The following CALCOCO1 variants were observed in gnomAD, a reference collection of about 807,000 sequenced individuals.
The protein encoded by CALCOCO1 is calcium-binding and coiled-coil domain-containing protein 1.
In CALCOCO1, 44 loss-of-function variants were observed where a neutral mutation model predicts 86.3. That is an observed-to-expected ratio of 0.51 (90% CI 0.40 to 0.66). The LOEUF (loss-of-function observed/expected upper bound fraction) is 0.66, where lower values mean the gene tolerates loss of function less well. Among genes scored for constraint, CALCOCO1 ranks in the 30% least tolerant of loss-of-function variants. CALCOCO1 has a pLI of 0.00. For synonymous variants in CALCOCO1, 297 were observed against 327.6 expected (o/e 0.91, Z 1.01); for missense variants, 708 against 851.1 (o/e 0.83, Z 2.09).
chr12:53,725,880 A>G (rs1301845385), intron 1 of CALCOCO1: 1 of 152,226 alleles, frequency 6.6e-6, no homozygotes, highest in Non-Finnish European at 1.5e-5. Context: ...GCCTACCCCC[A>G]TGAATTCTAG....
At position 53,716,285 on chromosome 12, in the gene CALCOCO1, G is replaced by A. The variant is rs754709259; in HGVS notation, c.980C>T (p.Thr327Ile). ...LKDKVAQMKD[T>I]LGQAQQRVAE... ...CACCCGCTGCTGGGCCTGGCCTAGG[G>A]TGTCCTTCATCTGGGCCACCTTGTC... The change falls in exon 8 of 15, where the codon ACC (threonine) becomes ATC (isoleucine). Residue 327 changes from threonine to isoleucine, a missense_variant. Physicochemically the swap from Thr to Ile is moderately conservative, Grantham distance 89. Coordinates refer to ENST00000550804, the MANE Select transcript of CALCOCO1 (RefSeq NM_020898.3). The A allele has an allele frequency of 1.9e-6, 3 of 1,614,162 alleles. No homozygotes were observed. The Admixed American group carries it at 5.0e-5, about 27-fold the overall frequency.
At chr12:53,725,321 C>G (rs149345010) in intron 1 of CALCOCO1, 55 bp from the exon 2 acceptor site, 7 of 1,243,478 alleles carry the variant, frequency 5.6e-6, no homozygotes, top group East Asian at 2.7e-5. Context: ...TCCTTCCCCC[C>G]ACAGCTCCAG....
chr12:53,722,294 G>A, intron 4 of CALCOCO1, 111 bp from the exon 5 acceptor site: 2 of 1,259,180 alleles, frequency 1.6e-6, no homozygotes, highest in Non-Finnish European at 2.3e-6. Context: ...CATAGCTTTG[G>A]GTTATAAAGA....
chr12:53,714,045 G>A (rs1196868524), intron 12 of CALCOCO1, 88 bp downstream of exon 12: 1 of 1,329,960 alleles, frequency 7.5e-7, no homozygotes, highest in Non-Finnish European at 1.1e-6. Flanking sequence ...GAAGGCAAAG[G>A]CAGCTCCCAG....
At chr12:53,726,200 A>G (rs566252331) in intron 1 of CALCOCO1, 9 of 152,288 alleles carry the variant, frequency 5.9e-5, no homozygotes, top group African/African-American at 2.2e-4. Flanking sequence ...AGAACCTAAC[A>G]TTCTTCTCTC....
chr12:53,714,208 G>A lies in CALCOCO1; in HGVS notation c.1516C>T (p.Arg506Cys), dbSNP rs778999199. The A allele has an allele frequency of 1.6e-5, 26 of 1,613,576 alleles. No individual in the cohort carries two copies. The East Asian group carries it at 2.2e-4, about 14-fold the overall frequency. Residue 506 changes from arginine to cysteine, a missense_variant, in exon 12 of 15, where the codon CGC (arginine) becomes TGC (cysteine). By Grantham distance (180) the Arg-to-Cys change is radical. Coordinates refer to ENST00000550804, the MANE Select transcript of CALCOCO1 (RefSeq NM_020898.3). The stretch of plus-strand genomic sequence containing the variant: ...TTCTCATCTGCCACCTTCTCCAGGC[G>A]GGCCTCTAGCTTTCTCATGTACTCT... ...LLEYMRKLEA[R>C]LEKVADEKWN...
Position 53,715,252 on chromosome 12 carries a change from G to T in CALCOCO1, c.1334C>A (p.Thr445Asn). 1 of 1,614,106 alleles carries T rather than the reference G, an allele frequency of 6.2e-7. No homozygotes were observed. Among genetic ancestry groups the T allele is most frequent in the Non-Finnish European group, 8.5e-7 (1 of 1,180,012 alleles). The change falls in exon 10 of 15, where the codon ACC (threonine) becomes AAC (asparagine). Residue 445 changes from threonine (T) to asparagine (N), a missense_variant. Physicochemically the swap from Thr to Asn is moderately conservative, Grantham distance 65. Coordinates refer to ENST00000550804, the MANE Select transcript of CALCOCO1 (RefSeq NM_020898.3). ...RLEKAVQEER[T>N]QNQVFKTELA... Reference sequence around the variant, plus strand: ...CTCAGTCTTGAACACTTGGTTTTGGGTCCTCTCCTCCTGAACTGCCTTCTC... The same window carrying T: ...CTCAGTCTTGAACACTTGGTTTTGGTTCCTCTCCTCCTGAACTGCCTTCTC...
At chr12:53,725,317 C>T in intron 1 of CALCOCO1, 51 bp from the exon 2 acceptor site, 1 of 1,273,354 alleles carries the variant, frequency 7.9e-7, no homozygotes. Flanking sequence ...CACCTCCTTC[C>T]CCCCACAGCT....
chr12:53,711,993 A>G lies in CALCOCO1; in HGVS notation c.2027T>C (p.Met676Thr). The G allele has an allele frequency of 1.9e-6, 3 of 1,606,282 alleles. No individual in the cohort carries two copies. Among genetic ancestry groups the G allele is most frequent in the Non-Finnish European group, 2.5e-6 (3 of 1,176,586 alleles). The stretch of plus-strand genomic sequence containing the variant: ...GGTGCTGAAAAAGAAGTGTCCATCC[A>G]TGTGGTCCTCCAGGGCATCCTTGTC... ...ESDKDALEDH[M>T]DGHFFFSTQD... The change falls in exon 15 of 15, where the codon ATG becomes ACG. Residue 676 changes from methionine to threonine, a missense_variant. Physicochemically the swap from Met to Thr is moderately conservative, Grantham distance 81. Coordinates refer to ENST00000550804, the MANE Select transcript of CALCOCO1 (RefSeq NM_020898.3).
intron 3 of CALCOCO1, 44 bp downstream of exon 3, chr12:53,724,601 A>C: frequency 6.9e-7 from 1 of 1,456,954 alleles, no homozygotes. Flanking sequence ...TCAAACCTCC[A>C]CTCCCTTGGC....
intron 14 of CALCOCO1, chr12:53,712,422 G>A: frequency 3.0e-6 from 1 of 328,072 alleles, no homozygotes; most frequent in Non-Finnish European, 5.6e-6. Context: ...AAATGAGTCT[G>A]ACATCGTCCT....
chr12:53,718,670 A>G (rs932800559), intron 7 of CALCOCO1, among the ~76,000 whole-genome samples: 2 of 152,066 alleles, frequency 1.3e-5, no homozygotes, highest in Non-Finnish European at 2.9e-5. Flanking sequence ...CTGGGACTAC[A>G]GGTGCATGCC....
At chr12:53,725,472 C>T (rs1946002652) in intron 1 of CALCOCO1, among the ~76,000 whole-genome samples, 1 of 152,206 alleles carries the variant, frequency 6.6e-6, no homozygotes, top group Admixed American at 6.5e-5. Flanking sequence ...CCGTCCCCAT[C>T]CTGTCTCACA....
In CALCOCO1 at chr12:53,711,734, C is replaced by G. The variant is rs550646259; in HGVS notation, c.*210G>C. 2.7e-4 allele frequency: 123 copies of G among 459,478 alleles called. No individual in the cohort carries two copies. Among genetic ancestry groups the G allele is most frequent in the African/African-American group, 2.3e-3 (113 of 49,038 alleles). 28.5% of individuals were successfully genotyped at this position (459,478 alleles called of 1,614,324 possible). A position where few individuals can be genotyped will look rare whatever the true frequency, so the allele number is the denominator to read the frequency against. On this transcript the variant is annotated 3_prime_UTR_variant, in exon 15 of 15. Coordinates refer to ENST00000550804, the MANE Select transcript of CALCOCO1 (RefSeq NM_020898.3). ...GATAAATTCAGCCACTGCTTCCGAACAGGACCCCTCCCTGGGACAAAAGAG... is the reference window on the plus strand; with the variant it reads ...GATAAATTCAGCCACTGCTTCCGAAGAGGACCCCTCCCTGGGACAAAAGAG...
chr12:53,717,980 G>A (rs1041936661), intron 7 of CALCOCO1, among the ~76,000 whole-genome samples: 7 of 152,244 alleles, frequency 4.6e-5, no homozygotes, highest in South Asian at 2.1e-4. Context: ...AGCCGAGATC[G>A]CGCCACTGCA....
chr12:53,723,657 G>T lies in CALCOCO1; in HGVS notation c.386C>A (p.Thr129Asn). The T allele has an allele frequency of 2.5e-6, 4 of 1,614,198 alleles. No individual in the cohort carries two copies. Among genetic ancestry groups the T allele is most frequent in the Non-Finnish European group, 3.4e-6 (4 of 1,180,030 alleles). The change falls in exon 4 of 15, where the codon ACC becomes AAC. Residue 129 changes from threonine to asparagine, a missense_variant. Physicochemically the swap from Thr to Asn is moderately conservative, Grantham distance 65. Transcript: ENST00000550804. ...AGAGCCCCCATCAGCCTCCTCCAGGGTCACCAGTTCATCCATGGGCCTTGG... is the reference window on the plus strand; with the variant it reads ...AGAGCCCCCATCAGCCTCCTCCAGGTTCACCAGTTCATCCATGGGCCTTGG... The part of the protein sequence containing the change: ...REPRPMDELV[T>N]LEEADGGSDI...
intron 10 of CALCOCO1, 90 bp downstream of exon 10, chr12:53,715,110 C>A: frequency 6.8e-7 from 1 of 1,465,012 alleles, no homozygotes; most frequent in Non-Finnish European, 9.2e-7. Flanking sequence ...GGACACCTAG[C>A]ACTTCTGAGC....
At position 53,725,203 on chromosome 12, in the gene CALCOCO1, C is replaced by T. The variant is rs770268114; in HGVS notation, c.40G>A (p.Gly14Arg). ...CGGGCTACATTGAGAAAGTTGACTC[C>T]ACCACGGGATGGTGCCCGGCTTAGT... ...SPLSRAPSRG[G>R]VNFLNVARTY... Residue 14 changes from glycine (G) to arginine (R), a missense_variant, in exon 2 of 15, where the codon GGA (glycine) becomes AGA (arginine). Physicochemically the swap from Gly to Arg is moderately radical, Grantham distance 125. Transcript: ENST00000550804. The T allele has an allele frequency of 3.7e-6, 6 of 1,611,618 alleles. No individual in the cohort carries two copies. The highest frequency in any genetic ancestry group is 2.7e-5 in the African/African-American group (2 of 74,812).
Position 53,726,521 on chromosome 12 carries a change from T to C in CALCOCO1, c.-25+883A>G, listed in dbSNP as rs139967132. 5.9e-5 allele frequency among the ~76,000 whole-genome samples: 9 copies of C among 152,100 alleles called. No homozygotes were observed. The East Asian group carries it at 1.6e-3, about 26-fold the overall frequency. ...CCCACTAATCTATTTCCTGTGTCAC[T>C]CACAGCTGACATGTCCAACCAGCCA... On this transcript the variant is annotated intron_variant, in intron 1 of 14. Transcript: ENST00000550804.
Sources: allele counts gnomAD v4.1 joint callset (sites outside exome capture counted in the v4.1 genomes callset), GRCh38; gene constraint gnomAD v4.1.1; transcripts MANE v1.5; gene names NCBI Gene and HGNC (gene_info 2026-07-23, HGNC 2026-07-21).